Variants in RAD51B observed in about 807,000 individuals in gnomAD.
The protein encoded by RAD51B is DNA repair protein RAD51 homolog 2.
A neutral mutation model predicts 42.2 loss-of-function variants in RAD51B; 38 were observed. The observed-to-expected ratio is 0.90, with a 90% CI of 0.70 to 1.18. RAD51B has a LOEUF of 1.18. Ranked by LOEUF, RAD51B falls within the 50% of genes most tolerant of loss-of-function variation. The pLI is 0.00. For synonymous variants in RAD51B, 154 were observed against 145.2 expected, an observed-to-expected ratio of 1.06 and a Z score of -0.43; for missense variants, 373 against 400.7, an observed-to-expected ratio of 0.93 and a Z score of 0.59.
intron 10 of RAD51B, among the ~76,000 whole-genome samples, chr14:68,545,193 C>G (rs994016537): frequency 6.6e-6 from 1 of 152,208 alleles, no homozygotes; most frequent in Non-Finnish European, 1.5e-5. Context: ...GTTCATTATT[C>G]TTTGCTTTGC....
intron 7 of RAD51B, among the ~76,000 whole-genome samples, chr14:68,016,039 C>T (rs1176312762): frequency 1.3e-5 from 2 of 152,070 alleles, no homozygotes; most frequent in East Asian, 3.8e-4. Flanking sequence ...TTATTTGTTC[C>T]TATCTTGTCC....
intron 7 of RAD51B, among the ~76,000 whole-genome samples, chr14:68,002,644 G>C (rs1595237841): frequency 6.6e-6 from 1 of 152,090 alleles, no homozygotes; most frequent in Middle Eastern, 3.4e-3. Flanking sequence ...TTTTCTTCTT[G>C]GGTTTTTATA....
intron 7 of RAD51B, among the ~76,000 whole-genome samples, chr14:68,016,082 C>T (rs1021672676): frequency 8.5e-5 from 13 of 152,212 alleles, no homozygotes; most frequent in Admixed American, 8.5e-4. Flanking sequence ...AGTCACTCAA[C>T]ACAGTACTTA....
At chr14:67,923,349 G>T (rs1320596770) in intron 7 of RAD51B, among the ~76,000 whole-genome samples, 1 of 146,538 alleles carries the variant, frequency 6.8e-6, no homozygotes, top group Non-Finnish European at 1.5e-5. Context: ...GCCCAGGCTG[G>T]AATGCAATGG....
chr14:68,291,976 T>C lies in RAD51B; in HGVS notation c.849T>C (p.Ser283=). 6.2e-7 allele frequency: 1 copy of C among 1,611,494 alleles called. No individual in the cohort carries two copies. Among genetic ancestry groups the C allele is most frequent in the East Asian group, 2.2e-5 (1 of 44,860 alleles). Residue 283 remains serine (S), a synonymous_variant, in exon 8 of 11, where the codon TCT becomes TCC. Transcript: ENST00000471583. ...LVSPADDLSL[S]EGTSGSSCVI... ...CTCCAGCTGATGATTTGTCCCTGTC[T>C]GAAGGTAAGGAATCTGTCCTGGAGA...
chr14:68,401,807 G>C (rs1047765808), intron 8 of RAD51B, among the ~76,000 whole-genome samples: 1 of 152,118 alleles, frequency 6.6e-6, no homozygotes, highest in Non-Finnish European at 1.5e-5. Flanking sequence ...TAGCTTTAAA[G>C]TATTTTGAGA....
At chr14:68,597,139 ACTC>A (rs1230516694), downstream of RAD51B, among the ~76,000 whole-genome samples, 1 of 151,976 alleles carries the variant, frequency 6.6e-6, no homozygotes, top group Non-Finnish European at 1.5e-5. Context: ...GGAATTTTTT[ACTC>A]CTCCTCTTAA....
chr14:68,010,186 T>C (rs1203441586), intron 7 of RAD51B, among the ~76,000 whole-genome samples: 1 of 151,906 alleles, frequency 6.6e-6, no homozygotes, highest in African/African-American at 2.4e-5. Context: ...TCTTTATATC[T>C]AATTGGAACC....
chr14:68,297,587 ATGAGTGGAGTAGT>A (rs1320306913), intron 8 of RAD51B, among the ~76,000 whole-genome samples: 1 of 152,184 alleles, frequency 6.6e-6, no homozygotes, highest in African/African-American at 2.4e-5. Context: ...ACCAACGGGT[ATGAGTGGAGTAGT>A]TTTAAAAATC....
At chr14:68,247,310 C>G (rs527584675) in intron 7 of RAD51B, among the ~76,000 whole-genome samples, 29 of 151,772 alleles carry the variant, frequency 1.9e-4, no homozygotes, top group Non-Finnish European at 3.1e-4. Flanking sequence ...TACATTATAG[C>G]TAGTCTATCA....
At chr14:68,304,474 A>T (rs1157317214) in intron 8 of RAD51B, among the ~76,000 whole-genome samples, 1 of 152,246 alleles carries the variant, frequency 6.6e-6, no homozygotes, top group Non-Finnish European at 1.5e-5. Flanking sequence ...AGATGATCAT[A>T]CAACTACCTC....
intron 1 of RAD51B, among the ~76,000 whole-genome samples, chr14:67,820,598 AT>A (rs2040594254): frequency 6.6e-6 from 1 of 152,112 alleles, no homozygotes; most frequent in South Asian, 2.1e-4. Context: ...CCATAATAGT[AT>A]TTTGATAAGA....
At chr14:68,500,470 C>T (rs2140297234) in intron 10 of RAD51B, among the ~76,000 whole-genome samples, 1 of 152,276 alleles carries the variant, frequency 6.6e-6, no homozygotes, top group East Asian at 1.9e-4. Context: ...ATGGTCGGGC[C>T]AGCAGCCCGT....
chr14:68,679,810 G>A (rs766803481), intron 11 of RAD51B, among the ~76,000 whole-genome samples: 15 of 152,200 alleles, frequency 9.9e-5, no homozygotes, highest in Non-Finnish European at 1.8e-4. Flanking sequence ...TCAGGCCCCT[G>A]ATTGCCAAGT....
intron 9 of RAD51B, among the ~76,000 whole-genome samples, chr14:68,427,029 G>A (rs1291419006): frequency 6.6e-6 from 1 of 152,202 alleles, no homozygotes; most frequent in African/African-American, 2.4e-5. Context: ...CACTCTAGAG[G>A]CACGAGTAGT....
rs1053131621 is a variant in RAD51B at position 68,243,568 on chromosome 14, C to G, written c.757-48316C>G. On this transcript the variant is annotated intron_variant, in intron 7 of 10. Transcript: ENST00000471583. ...TTTCCCTTTGTTCACTTATTTATAG[C>G]TCTGCTGTGGGTATGGTTTGGAGCC... Among the ~76,000 whole-genome samples, 7 of 152,080 alleles carry G rather than the reference C, an allele frequency of 4.6e-5. 1 individual carries two copies. Among genetic ancestry groups the G allele is most frequent in the African/African-American group, 1.7e-4 (7 of 41,390 alleles).
intron 10 of RAD51B, among the ~76,000 whole-genome samples, chr14:68,514,569 C>G (rs992107225): frequency 6.6e-6 from 1 of 152,170 alleles, no homozygotes; most frequent in East Asian, 1.9e-4. Context: ...CAGAGAGGGG[C>G]TCCCAGGCAG....
At chr14:68,631,840 T>C (rs1310951308) in intron 10 of RAD51B, among the ~76,000 whole-genome samples, 1 of 152,176 alleles carries the variant, frequency 6.6e-6, no homozygotes, top group Non-Finnish European at 1.5e-5. Flanking sequence ...GTGCGCTGCG[T>C]GCTGGCCATC....
intron 4 of RAD51B, among the ~76,000 whole-genome samples, chr14:67,836,222 C>A (rs1209048651): frequency 6.6e-6 from 1 of 152,132 alleles, no homozygotes; most frequent in Non-Finnish European, 1.5e-5. Flanking sequence ...TTCTGAGGGG[C>A]CCACTTACAT....
Sources: gnomAD v4.1 joint callset for allele counts (sites outside exome capture counted in the v4.1 genomes callset) on GRCh38, gnomAD v4.1.1 for gene constraint, MANE v1.5 for transcripts, NCBI Gene and HGNC (gene_info 2026-07-23, HGNC 2026-07-21) for gene names.